CALB2: variants seen among roughly 807,000 people sequenced by gnomAD.
CALB2 encodes calbindin 2.
A neutral mutation model predicts 45.9 loss-of-function variants in CALB2; 34 were observed. The observed-to-expected ratio is 0.74, with a 90% CI of 0.56 to 0.99. The LOEUF (loss-of-function observed/expected upper bound fraction) is 0.99, where lower values mean the gene tolerates loss of function less well. CALB2 is among the 50% of genes least tolerant of loss of function. The pLI, the probability that CALB2 is intolerant of heterozygous loss-of-function variation, is 0.00. For synonymous variants in CALB2, 142 were observed against 129.6 expected (o/e 1.10, Z -0.65); for missense variants, 344 against 339.3 (o/e 1.01, Z -0.11).
In CALB2 at chr16:71,390,427, A is replaced by G. The variant is rs2042624623; in HGVS notation, c.*562A>G. On this transcript the variant is annotated 3_prime_UTR_variant, in exon 11 of 11. Coordinates refer to ENST00000302628, the MANE Select transcript of CALB2 (RefSeq NM_001740.5). ...ATAAAATGGAAAGGTCCTGCTGTGG[A>G]AACTTACCCAATCTTGTCTAGTGGT... 1 of 152,548 alleles carries G rather than the reference A, an allele frequency of 6.6e-6. No individual in the cohort carries two copies. The highest frequency in any genetic ancestry group is 1.5e-5 in the Non-Finnish European group (1 of 68,340). 9.4% of individuals were successfully genotyped at this position (152,548 alleles called of 1,614,324 possible). A position where few individuals can be genotyped will look rare whatever the true frequency, so the allele number is the denominator to read the frequency against.
At chr16:71,389,536 C>T in intron 10 of CALB2, 1 of 718,538 alleles carries the variant, frequency 1.4e-6, no homozygotes, top group Non-Finnish European at 2.6e-6. Context: ...GGTTGACTAC[C>T]TTCCCCAAAG....
chr16:71,387,935 C>T (rs928673799), intron 10 of CALB2, among the ~76,000 whole-genome samples: 19 of 151,944 alleles, frequency 1.3e-4, no homozygotes, highest in Admixed American at 7.9e-4. Flanking sequence ...AGAGAAGCCC[C>T]GGCACAATGG....
In CALB2 at chr16:71,385,593, T is replaced by C. The variant is rs140474053; in HGVS notation, c.644T>C (p.Ile215Thr). 2.7e-5 allele frequency: 43 copies of C among 1,614,050 alleles called. No individual in the cohort carries two copies. Among genetic ancestry groups the C allele is most frequent in the Non-Finnish European group, 3.5e-5 (41 of 1,179,986 alleles). ...TFYDKDRSGY[I>T]DEHELDALLK... is the part of the protein sequence containing the mutation. ...CATCCCCAGGATAGAAGCGGCTACA[T>C]TGACGAGCATGAGCTGGATGCCCTT... is the stretch of plus-strand genomic sequence containing the variant. The change falls in exon 10 of 11, where the codon ATT becomes ACT. Residue 215 changes from isoleucine to threonine, a missense_variant. Around this residue, in one of 3 missense-constraint regions of CALB2, gnomAD observed 263 missense variants for 241.7 expected, o/e 1.09. Coordinates refer to ENST00000302628, the MANE Select transcript of CALB2 (RefSeq NM_001740.5).
At chr16:71,382,026 G>GAGGAGGAGGAGGAGGAGGAGGAGT (rs2042498440) in intron 4 of CALB2, among the ~76,000 whole-genome samples, 1 of 127,568 alleles carries the variant, frequency 7.8e-6, no homozygotes, top group Non-Finnish European at 1.7e-5. Context: ...AGAGGAGGAG[G>GAGGAGGAGGAGGAGGAGGAGGAGT]AGGAGGAGGA....
At chr16:71,377,779 ACTGGGACCTGCCTTCCTC>A (rs1218332674) in intron 4 of CALB2, 32 bp downstream of exon 4, 2 of 1,521,566 alleles carry the variant, frequency 1.3e-6, no homozygotes, top group Non-Finnish European at 1.8e-6. Context: ...CTTTCTAAGC[ACTGGGACCTGCCTTCCTC>A]CTGTGTTCAG....
At chr16:71,382,501 T>C (rs1187175039) in intron 4 of CALB2, among the ~76,000 whole-genome samples, 2 of 152,244 alleles carry the variant, frequency 1.3e-5, no homozygotes, top group Non-Finnish European at 2.9e-5. Context: ...AGCTGCGTGG[T>C]TCTGGCCCAG....
intron 4 of CALB2, among the ~76,000 whole-genome samples, chr16:71,380,969 G>C (rs1412265755): frequency 6.6e-6 from 1 of 152,208 alleles, no homozygotes; most frequent in African/African-American, 2.4e-5. Context: ...GTGCTGGATG[G>C]GGAGAGGAGG....
At chr16:71,374,623 C>T (rs943154569) in intron 2 of CALB2, 122 bp from the exon 3 acceptor site, 2 of 656,616 alleles carry the variant, frequency 3.0e-6, no homozygotes, top group African/African-American at 1.8e-5. Context: ...ATCAGAGCAT[C>T]AGCACAACTT....
chr16:71,374,946 C>A, intron 3 of CALB2, 112 bp downstream of exon 3: 2 of 676,932 alleles, frequency 3.0e-6, no homozygotes, highest in Non-Finnish European at 5.2e-6. Context: ...GGCCTCAAAG[C>A]TCCTGCACCC....
At chr16:71,388,657 T>C (rs1469088621) in intron 10 of CALB2, among the ~76,000 whole-genome samples, 1 of 152,080 alleles carries the variant, frequency 6.6e-6, no homozygotes, top group East Asian at 1.9e-4. Context: ...GCGAGCTTTA[T>C]TGCTGGAGAA....
Position 71,382,744 on chromosome 16 carries a change from G to A in CALB2, c.368G>A (p.Arg123Lys). 6.2e-7 allele frequency: 1 copy of A among 1,612,300 alleles called. No homozygotes were observed. The highest frequency in any genetic ancestry group is 8.5e-7 in the Non-Finnish European group (1 of 1,179,280). The change falls in exon 5 of 11, where the codon AGG (arginine) becomes AAG (lysine). Residue 123 changes from arginine (R) to lysine (K), a missense_variant. By Grantham distance (26) the Arg-to-Lys change is conservative (BLOSUM62 2). This residue lies in a region of CALB2 where 263 missense variants were observed against 241.7 expected (regional missense o/e 1.09). Transcript: ENST00000302628. ...MEAWRKYDTDRSGYIEANELK... is the reference protein window; with the variant it reads ...MEAWRKYDTDKSGYIEANELK... Reference sequence around the variant, plus strand: ...GCTTGGCGGAAGTACGACACAGACAGGAGTGGCTACATCGAAGCCAATGAG... The same window carrying A: ...GCTTGGCGGAAGTACGACACAGACAAGAGTGGCTACATCGAAGCCAATGAG...
intron 10 of CALB2, 87 bp downstream of exon 10, chr16:71,385,735 T>G (rs1410794658): frequency 9.9e-7 from 1 of 1,014,712 alleles, no homozygotes; most frequent in African/African-American, 1.6e-5. Flanking sequence ...TGCCTGGTCC[T>G]GCTCTCTACT....
chr16:71,377,857 C>A, intron 4 of CALB2, 110 bp downstream of exon 4: 1 of 703,804 alleles, frequency 1.4e-6, no homozygotes, highest in Non-Finnish European at 2.4e-6. Context: ...GATGCTAAAC[C>A]CCTTAGAGCT....
chr16:71,378,383 TAA>T (rs771371930), intron 4 of CALB2, among the ~76,000 whole-genome samples: 85 of 137,980 alleles, frequency 6.2e-4, no homozygotes, highest in African/African-American at 1.8e-3. Context: ...AACAGGAATT[TAA>T]AAAAAAAAAA....
Position 71,382,673 on chromosome 16 carries a change from A to G in CALB2, c.343-46A>G, listed in dbSNP as rs1189143874. 3 of 1,598,072 alleles carry G rather than the reference A, an allele frequency of 1.9e-6. No individual in the cohort carries two copies. The East Asian group carries it at 6.7e-5, about 36-fold the overall frequency. On this transcript the variant is annotated intron_variant, in intron 4 of 10. Coordinates refer to ENST00000302628, the MANE Select transcript of CALB2 (RefSeq NM_001740.5). ...AGGGGAATGGAAGGGAGGTGGGTAG[A>G]TTTTGATACGTCTTTGCAAAGAGGT...
At chr16:71,384,318 G>C in intron 7 of CALB2, 21 bp from the exon 8 acceptor site, 1 of 1,610,524 alleles carries the variant, frequency 6.2e-7, no homozygotes, top group Non-Finnish European at 8.5e-7. Context: ...CCTCATCTCT[G>C]CTCTAACATT....
intron 10 of CALB2, among the ~76,000 whole-genome samples, chr16:71,385,957 T>C (rs947672487): frequency 6.6e-6 from 1 of 152,184 alleles, no homozygotes; most frequent in South Asian, 2.1e-4. Flanking sequence ...CGTGGCCACC[T>C]TCTCATCCTG....
At chr16:71,364,298 G>T (rs1440207149) in intron 1 of CALB2, among the ~76,000 whole-genome samples, 2 of 146,836 alleles carry the variant, frequency 1.4e-5, no homozygotes, top group South Asian at 4.2e-4. Flanking sequence ...TGACAGCCAG[G>T]CCGGCTGTCC....
chr16:71,362,408 G>A (rs1034162624), intron 1 of CALB2, among the ~76,000 whole-genome samples: 37 of 152,180 alleles, frequency 2.4e-4, no homozygotes, highest in African/African-American at 8.0e-4. Context: ...GGGCCAAGGT[G>A]AACATCCTAC....
Sources: allele counts gnomAD v4.1 joint callset (sites outside exome capture counted in the v4.1 genomes callset), GRCh38; gene constraint gnomAD v4.1.1; regional missense constraint gnomAD v4.1.1; transcripts MANE v1.5; gene names NCBI Gene and HGNC (gene_info 2026-07-23, HGNC 2026-07-21).